The following ADGRV1 variants were observed in gnomAD, a reference collection of about 807,000 sequenced individuals.
ADGRV1 encodes adhesion G protein-coupled receptor V1.
ADGRV1 carries 359 observed loss-of-function variants against 596.2 expected under a neutral mutation model. The observed-to-expected ratio is 0.60, with a 90% CI of 0.55 to 0.66. The LOEUF is 0.66. Ranked by LOEUF, ADGRV1 falls within the 30% of genes least tolerant of loss-of-function variation. ADGRV1 has a pLI of 0.00. For synonymous variants in ADGRV1, 2,681 were observed against 2,679.2 expected, an observed-to-expected ratio of 1.00 and a Z score of -0.02; for missense variants, 7,274 against 7,575.6, an observed-to-expected ratio of 0.96 and a Z score of 1.48.
chr5:90,679,787 C>T (rs1447251302), intron 26 of ADGRV1, among the ~76,000 whole-genome samples, 158 bp downstream of exon 26: 4 of 151,946 alleles, frequency 2.6e-5, no homozygotes, highest in Non-Finnish European at 5.9e-5. Context: ...GTATGATTTC[C>T]TTCATGTTGT....
In ADGRV1 at chr5:90,655,583, G is replaced by A. The variant is rs950343158; in HGVS notation, c.4378+1631G>A. On this transcript the variant is annotated intron_variant, in intron 20 of 89. Transcript: ENST00000405460. Reference sequence around the variant, plus strand: ...ATTCCTGGGGATGGAATTGCTGAATGACAGTGTGTGCAAATATTCGGTTTT... The same window carrying A: ...ATTCCTGGGGATGGAATTGCTGAATAACAGTGTGTGCAAATATTCGGTTTT... The A allele has an allele frequency of 2.0e-5, 3 of 152,160 alleles. No individual in the cohort carries two copies. In the South Asian group the frequency reaches 6.2e-4, roughly 31 times the overall value. 9.4% of individuals were successfully genotyped at this position (152,160 alleles called of 1,614,324 possible). A position where few individuals can be genotyped will look rare whatever the true frequency, so the allele number is the denominator to read the frequency against.
intron 83 of ADGRV1, among the ~76,000 whole-genome samples, chr5:90,882,847 G>A (rs917765131): frequency 9.2e-5 from 14 of 151,702 alleles, no homozygotes; most frequent in Admixed American, 2.6e-4. Context: ...TAACATGAAC[G>A]TAATTGTGAT....
At chr5:91,132,112 A>G (rs970873812) in intron 87 of ADGRV1, among the ~76,000 whole-genome samples, 1 of 152,168 alleles carries the variant, frequency 6.6e-6, no homozygotes, top group Non-Finnish European at 1.5e-5. Flanking sequence ...GTAGGTGTGC[A>G]ACTTTATTTT....
chr5:91,039,433 G>A (rs1011581868), intron 85 of ADGRV1, among the ~76,000 whole-genome samples: 2 of 152,182 alleles, frequency 1.3e-5, no homozygotes, highest in African/African-American at 4.8e-5. Flanking sequence ...ATGAAAACAG[G>A]GAAGACTGTT....
chr5:90,681,533 A>G (rs1744931113), intron 27 of ADGRV1, 79 bp downstream of exon 27: 4 of 1,380,710 alleles, frequency 2.9e-6, no homozygotes, highest in Non-Finnish European at 3.9e-6. Flanking sequence ...AGTGTGTTTT[A>G]TGCTTTCCTT....
chr5:90,569,475 G>A (rs997982824), intron 1 of ADGRV1, among the ~76,000 whole-genome samples: 1 of 132,160 alleles, frequency 7.6e-6, no homozygotes, highest in Non-Finnish European at 1.6e-5. Flanking sequence ...CTTATAAAGA[G>A]CATATAGTTA....
intron 1 of ADGRV1, among the ~76,000 whole-genome samples, chr5:90,569,716 T>C (rs1278371295): frequency 1.3e-5 from 2 of 151,896 alleles, no homozygotes; most frequent in Admixed American, 6.6e-5. Context: ...TCTTTTATTA[T>C]ATTCTTTTCA....
intron 83 of ADGRV1, among the ~76,000 whole-genome samples, chr5:90,951,445 G>A (rs149255376): frequency 5.3e-5 from 8 of 152,112 alleles, no homozygotes; most frequent in East Asian, 3.9e-4. Flanking sequence ...ACCTAATACC[G>A]TATGACCATG....
At chr5:90,981,161 G>A (rs993028138) in intron 84 of ADGRV1, among the ~76,000 whole-genome samples, 1 of 152,140 alleles carries the variant, frequency 6.6e-6, no homozygotes, top group Admixed American at 6.6e-5. Flanking sequence ...ACATATGGAA[G>A]GTGAACATTG....
chr5:90,855,357 A>C (rs73179346), intron 81 of ADGRV1, among the ~76,000 whole-genome samples: 4,673 of 152,282 alleles, frequency 0.031, 127 homozygotes, highest in South Asian at 0.15. Flanking sequence ...AAAACAAAGA[A>C]GAGTAAACAC....
Position 90,863,636 on chromosome 5 carries a change from G to T in ADGRV1, c.17756-121G>T, listed in dbSNP as rs543316161. 223 of 741,270 alleles carry T rather than the reference G, an allele frequency of 3.0e-4. 1 individual carries two copies. In the Middle Eastern group the frequency reaches 4.6e-3, roughly 15 times the overall value. The allele number at this position is 741,270 out of a possible 1,614,324, so 45.9% of individuals were successfully genotyped here. A position where few individuals can be genotyped will look rare whatever the true frequency, so the allele number is the denominator to read the frequency against. ...AATTGCCATGTCATCTTTTCCAGAG[G>T]TACTGGGCAGAGGCAGGTGGCAGAC... On this transcript the variant is annotated intron_variant, in intron 82 of 89. Transcript: ENST00000405460.
At chr5:91,132,325 A>G (rs1412237325) in intron 87 of ADGRV1, among the ~76,000 whole-genome samples, 5 of 152,196 alleles carry the variant, frequency 3.3e-5, no homozygotes, top group African/African-American at 4.8e-5. Context: ...TTTGATTTTT[A>G]TTGTTATCCT....
chr5:90,771,236 G>A (rs887308846), intron 59 of ADGRV1, among the ~76,000 whole-genome samples: 19 of 151,716 alleles, frequency 1.3e-4, no homozygotes, highest in Admixed American at 6.6e-4. Flanking sequence ...TACTATCTTC[G>A]CAATCTTGGT....
At chr5:90,933,451 A>G (rs1475183272) in intron 83 of ADGRV1, among the ~76,000 whole-genome samples, 1 of 152,170 alleles carries the variant, frequency 6.6e-6, no homozygotes, top group Non-Finnish European at 1.5e-5. Flanking sequence ...GGCAAAGCAA[A>G]TATAGTCCTG....
At position 91,045,357 on chromosome 5, in the gene ADGRV1, A is replaced by C. The variant is rs114566822; in HGVS notation, c.18153-27090A>C. On this transcript the variant is annotated intron_variant, in intron 85 of 89. Transcript: ENST00000405460. ...AATCCACCATGATCAAGTAGGTTTC[A>C]TACCAGGCATGCAGGGATGGTTTAA... Among the ~76,000 whole-genome samples the C allele has an allele frequency of 9.2e-3, 1,409 of 152,344 alleles. 23 individuals carry two copies. The highest frequency in any genetic ancestry group is 0.032 in the African/African-American group (1,334 of 41,588).
chr5:90,776,449 T>G lies in ADGRV1; in HGVS notation c.12404-4T>G, dbSNP rs1165470076. On this transcript the variant is annotated splice_polypyrimidine_tract_variant and splice_region_variant and intron_variant, in intron 60 of 89. Coordinates refer to ENST00000405460, the MANE Select transcript of ADGRV1 (RefSeq NM_032119.4). ...CAAAGTGGTCTATATCATCTTGAAT[T>G]TAGGTAGTGCATCAATAATTATTCG... is the stretch of plus-strand genomic sequence containing the variant. 6.2e-7 allele frequency: 1 copy of G among 1,608,736 alleles called. No individual in the cohort carries two copies. The highest frequency in any genetic ancestry group is 2.2e-5 in the East Asian group (1 of 44,756).
chr5:91,079,358 A>G (rs1789136173), intron 86 of ADGRV1, among the ~76,000 whole-genome samples: 1 of 152,190 alleles, frequency 6.6e-6, no homozygotes, highest in Admixed American at 6.5e-5. Context: ...CCCACATGTT[A>G]AAAACACATA....
chr5:90,834,091 C>G (rs1561821467), intron 77 of ADGRV1, among the ~76,000 whole-genome samples: 1 of 152,096 alleles, frequency 6.6e-6, no homozygotes, highest in Non-Finnish European at 1.5e-5. Context: ...TTATTATATA[C>G]TGTCTATGTC....
chr5:90,765,875 T>A (rs1408654612), intron 59 of ADGRV1, among the ~76,000 whole-genome samples: 4 of 151,446 alleles, frequency 2.6e-5, no homozygotes, highest in African/African-American at 4.8e-5. Context: ...GGCTGTTTTT[T>A]TTTTTAATTT....
Sources: gnomAD v4.1 joint callset for allele counts (sites outside exome capture counted in the v4.1 genomes callset) on GRCh38, gnomAD v4.1.1 for gene constraint, MANE v1.5 for transcripts, NCBI Gene and HGNC (gene_info 2026-07-23, HGNC 2026-07-21) for gene names.